The following METTL25 variants were observed in gnomAD, a reference collection of about 807,000 sequenced individuals.
METTL25 encodes the protein probable methyltransferase-like protein 25.
In METTL25, 64 loss-of-function variants were observed where a neutral mutation model predicts 71.6. The observed-to-expected ratio is 0.89, with a 90% CI of 0.73 to 1.10. The LOEUF is 1.10. Ranked by LOEUF, METTL25 falls within the 50% of genes least tolerant of loss-of-function variation. The pLI, the probability that METTL25 is intolerant of heterozygous loss-of-function variation, is 0.00. For missense variants in METTL25, 807 were observed against 707.0 expected (o/e 1.14, Z -1.60); for synonymous variants, 287 against 250.3 (o/e 1.15, Z -1.38).
intron 5 of METTL25, among the ~76,000 whole-genome samples, chr12:82,416,768 G>A (rs1008613752): frequency 2.0e-5 from 3 of 151,752 alleles, no homozygotes; most frequent in Non-Finnish European, 4.4e-5. Flanking sequence ...CACCATGCTG[G>A]GCCTATCCTC....
intron 11 of METTL25, among the ~76,000 whole-genome samples, chr12:82,478,353 A>T (rs1366646284): frequency 6.6e-6 from 1 of 151,822 alleles, no homozygotes; most frequent in African/African-American, 2.4e-5. Flanking sequence ...ATATCTTATA[A>T]AGTAATGCAC....
chr12:82,358,966 C>A, intron 1 of METTL25, 142 bp downstream of exon 1: 1 of 800,110 alleles, frequency 1.2e-6, no homozygotes, highest in South Asian at 1.7e-5. Flanking sequence ...GAGGAGGGGT[C>A]GGATTAGTTG....
chr12:82,475,502 A>G (rs1174757406), intron 9 of METTL25, among the ~76,000 whole-genome samples: 4 of 151,958 alleles, frequency 2.6e-5, no homozygotes, highest in Admixed American at 2.6e-4. Context: ...ATTTAGTGCT[A>G]TTGTGAAAAA....
intron 5 of METTL25, among the ~76,000 whole-genome samples, chr12:82,419,885 C>T (rs780032298): frequency 5.3e-5 from 8 of 152,184 alleles, no homozygotes; most frequent in South Asian, 2.1e-4. Flanking sequence ...GAATTGAAAT[C>T]GGATCTCGAA....
chr12:82,389,710 C>A (rs1885389861), intron 2 of METTL25, 106 bp from the exon 3 acceptor site: 2 of 640,684 alleles, frequency 3.1e-6, no homozygotes, highest in Non-Finnish European at 5.6e-6. Flanking sequence ...ACAGTAGAAT[C>A]TCTGTATTAT....
intron 5 of METTL25, among the ~76,000 whole-genome samples, chr12:82,419,601 A>G (rs922791863): frequency 5.3e-5 from 8 of 151,792 alleles, no homozygotes; most frequent in Non-Finnish European, 1.5e-5. Flanking sequence ...TAACAAGTGT[A>G]TGGAAAAGTG....
At chr12:82,458,591 T>C (rs1214412617) in intron 9 of METTL25, among the ~76,000 whole-genome samples, 6 of 152,116 alleles carry the variant, frequency 3.9e-5, no homozygotes, top group African/African-American at 9.7e-5. Flanking sequence ...TTGTGAGTTT[T>C]ACCTTAATGA....
intron 6 of METTL25, among the ~76,000 whole-genome samples, chr12:82,433,794 C>G (rs1247326112): frequency 6.6e-6 from 1 of 151,242 alleles, no homozygotes; most frequent in Non-Finnish European, 1.5e-5. Flanking sequence ...ATATAAAAAC[C>G]TGAAGCAAAT....
intron 8 of METTL25, among the ~76,000 whole-genome samples, chr12:82,441,828 C>CACACACACACAA (rs1389305192): frequency 6.6e-6 from 1 of 150,772 alleles, no homozygotes; most frequent in African/African-American, 2.4e-5. Context: ...CACACACACA[C>CACACACACACAA]ACACAGAAAA....
Position 82,465,838 on chromosome 12 carries a change from T to C in METTL25, c.1572+9018T>C, listed in dbSNP as rs116680682. ...CCTGGTTCAATCCTGGTAGGTTGTATGTGTCTAAGAACTTGTCTATTTGCA... is the reference window on the plus strand; with the variant it reads ...CCTGGTTCAATCCTGGTAGGTTGTACGTGTCTAAGAACTTGTCTATTTGCA... On this transcript the variant is annotated intron_variant, in intron 9 of 11. Coordinates refer to ENST00000248306, the MANE Select transcript of METTL25 (RefSeq NM_032230.3). 4.8e-3 allele frequency among the ~76,000 whole-genome samples: 729 copies of C among 152,126 alleles called. 4 individuals carry two copies. The highest frequency in any genetic ancestry group is 0.016 in the African/African-American group (679 of 41,536).
chr12:82,439,053 GT>G lies in METTL25; in HGVS notation c.1478+263del, dbSNP rs555950283. 5 of 240,848 alleles carry G rather than the reference GT, an allele frequency of 2.1e-5. No homozygotes were observed. In the South Asian group the frequency reaches 6.4e-4, roughly 31 times the overall value. 14.9% of individuals were successfully genotyped at this position (240,848 alleles called of 1,614,324 possible). A position where few individuals can be genotyped will look rare whatever the true frequency, so the allele number is the denominator to read the frequency against. On this transcript the variant is annotated intron_variant, in intron 8 of 11. Transcript: ENST00000248306. ...TAAAATGTACTTTAGAATTTTTGAA[GT>G]ATTAAAATATTAAATAGTTCAGTGA...
At chr12:82,466,203 A>G (rs1420479591) in intron 9 of METTL25, among the ~76,000 whole-genome samples, 1 of 151,674 alleles carries the variant, frequency 6.6e-6, no homozygotes, top group Non-Finnish European at 1.5e-5. Flanking sequence ...AAATCTTTCT[A>G]GATTTTTGAT....
intron 4 of METTL25, among the ~76,000 whole-genome samples, chr12:82,402,596 A>G (rs1383840070): frequency 1.3e-5 from 2 of 152,200 alleles, no homozygotes; most frequent in Non-Finnish European, 2.9e-5. Context: ...GAAAATAAAA[A>G]CATAGAATAC....
At chr12:82,404,788 C>CA (rs1886940770) in intron 5 of METTL25, among the ~76,000 whole-genome samples, 1 of 151,920 alleles carries the variant, frequency 6.6e-6, no homozygotes, top group African/African-American at 2.4e-5. Context: ...ACTAAAGATA[C>CA]AAAAAATTAG....
intron 9 of METTL25, among the ~76,000 whole-genome samples, chr12:82,457,062 T>C (rs183438600): frequency 6.6e-6 from 1 of 152,026 alleles, no homozygotes; most frequent in Admixed American, 6.5e-5. Flanking sequence ...AATGTGCCAA[T>C]TTACAAATCA....
At chr12:82,419,923 C>A (rs1888331293) in intron 5 of METTL25, among the ~76,000 whole-genome samples, 1 of 152,078 alleles carries the variant, frequency 6.6e-6, no homozygotes, top group African/African-American at 2.4e-5. Context: ...GTATTTATGA[C>A]AGCATTATTC....
At chr12:82,366,625 A>G (rs1236444082) in intron 1 of METTL25, among the ~76,000 whole-genome samples, 1 of 151,906 alleles carries the variant, frequency 6.6e-6, no homozygotes, top group East Asian at 1.9e-4. Flanking sequence ...GGCCATCCTA[A>G]GTAGTTTTTA....
intron 9 of METTL25, among the ~76,000 whole-genome samples, chr12:82,466,027 TTTTG>T (rs1592770330): frequency 2.0e-5 from 3 of 150,932 alleles, no homozygotes; most frequent in South Asian, 2.1e-4. Context: ...TAATTGTAGA[TTTTG>T]TTTATCTTTT....
rs1332960899 is a variant in METTL25 at position 82,476,571 on chromosome 12, C to T, written c.1573-73C>T. On this transcript the variant is annotated intron_variant, in intron 9 of 11. Transcript: ENST00000248306. Reference sequence around the variant, plus strand: ...TTAAATTGATGTCATGTTTATTTTACTTTAGGATATGTTTGACAAGGAAAA... The same window carrying T: ...TTAAATTGATGTCATGTTTATTTTATTTTAGGATATGTTTGACAAGGAAAA... 5.2e-6 allele frequency: 5 copies of T among 965,492 alleles called. No individual in the cohort carries two copies. The African/African-American group carries it at 6.6e-5, about 13-fold the overall frequency. 59.8% of individuals were successfully genotyped at this position (965,492 alleles called of 1,614,324 possible).
Sources: allele counts gnomAD v4.1 joint callset (sites outside exome capture counted in the v4.1 genomes callset), GRCh38; gene constraint gnomAD v4.1.1; transcripts MANE v1.5; gene names NCBI Gene and HGNC (gene_info 2026-07-23, HGNC 2026-07-21).